The following PCM1 variants were observed in gnomAD, a reference collection of about 807,000 sequenced individuals.
The protein encoded by PCM1 is pericentriolar material 1 protein.
A neutral mutation model predicts 241.9 loss-of-function variants in PCM1; 157 were observed. The observed-to-expected ratio is 0.65, with a 90% confidence interval of 0.57 to 0.74. The LOEUF is 0.74. Ranked by LOEUF, PCM1 falls within the 30% of genes least tolerant of loss-of-function variation. The pLI is 0.00. For synonymous variants in PCM1, 1,085 were observed against 784.9 expected, an observed-to-expected ratio of 1.38 and a Z score of -6.39; for missense variants, 3,478 against 2,360.1, an observed-to-expected ratio of 1.47 and a Z score of -9.81.
chr8:17,961,797 A>T (rs919049590), intron 15 of PCM1, among the ~76,000 whole-genome samples: 2 of 152,006 alleles, frequency 1.3e-5, no homozygotes, highest in East Asian at 3.9e-4. Context: ...ATTTTCCATT[A>T]TGTTTTATCC....
At chr8:17,995,116 CAG>C (rs1470321056) in intron 29 of PCM1, among the ~76,000 whole-genome samples, 5 of 151,350 alleles carry the variant, frequency 3.3e-5, no homozygotes, top group Admixed American at 3.3e-4. Flanking sequence ...CAATGTCCTG[CAG>C]AGTTTCCCCA....
chr8:17,939,075 G>T (rs2061275212), intron 5 of PCM1, 66 bp downstream of exon 5: 1 of 1,534,074 alleles, frequency 6.5e-7, no homozygotes. Flanking sequence ...GTAAGGTTTA[G>T]AAAATTAGGT....
At chr8:17,946,772 G>C (rs2063923145) in intron 6 of PCM1, among the ~76,000 whole-genome samples, 1 of 151,906 alleles carries the variant, frequency 6.6e-6, no homozygotes, top group Non-Finnish European at 1.5e-5. Context: ...AGGATTACAA[G>C]ACTTTCAGGT....
In PCM1 at chr8:17,991,668, C is replaced by G. The variant is rs774868006; in HGVS notation, c.4658C>G (p.Ala1553Gly). 101 of 1,559,132 alleles carry G rather than the reference C, an allele frequency of 6.5e-5. No homozygotes were observed. The highest frequency in any genetic ancestry group is 8.5e-5 in the Non-Finnish European group (98 of 1,150,866). The stretch of plus-strand genomic sequence containing the variant: ...AGGATTATTGAGGATGGAGATGGTG[C>G]TGGTGCAGGTACTACAGTTAATAAT... ...TCRIIEDGDG[A>G]GAGTTVNNLE... Residue 1553 changes from alanine to glycine, a missense_variant, in exon 28 of 39, where the codon GCT (alanine) becomes GGT (glycine). Ala to Gly is a moderately conservative substitution (Grantham distance 60, BLOSUM62 0). Coordinates refer to ENST00000325083, the MANE Select transcript of PCM1 (RefSeq NM_006197.4).
chr8:18,014,002 A>C lies in PCM1; in HGVS notation c.5550A>C (p.Lys1850Asn), dbSNP rs911539576. The C allele has an allele frequency of 3.7e-6, 6 of 1,605,156 alleles. No homozygotes were observed. Among genetic ancestry groups the C allele is most frequent in the Non-Finnish European group, 4.3e-6 (5 of 1,176,106 alleles). The part of the protein sequence containing the change: ...QRDFKKTAES[K>N]NVPLEREATS... Reference sequence around the variant, plus strand: ...ACTTTAAAAAGACAGCAGAAAGCAAAAATGTCCCATTGGAACGAGAAGCCA... The same window carrying C: ...ACTTTAAAAAGACAGCAGAAAGCAACAATGTCCCATTGGAACGAGAAGCCA... The change falls in exon 35 of 39, where the codon AAA (lysine) becomes AAC (asparagine). Residue 1850 changes from lysine to asparagine, a missense_variant. By Grantham distance (94) the Lys-to-Asn change is moderately conservative (BLOSUM62 0). Transcript: ENST00000325083.
chr8:17,976,253 C>G (rs1324586625), intron 23 of PCM1, among the ~76,000 whole-genome samples: 1 of 152,216 alleles, frequency 6.6e-6, no homozygotes, highest in African/African-American at 2.4e-5. Context: ...TGCCATTTCT[C>G]TGTGCCCCTT....
chr8:17,986,796 C>A (rs1206993746), intron 26 of PCM1, among the ~76,000 whole-genome samples: 3 of 151,744 alleles, frequency 2.0e-5, no homozygotes, highest in Non-Finnish European at 3.0e-5. Flanking sequence ...CAAATACATT[C>A]CTTTTTTTAT....
intron 22 of PCM1, 66 bp downstream of exon 22, chr8:17,969,814 T>A: frequency 8.1e-7 from 1 of 1,235,040 alleles, no homozygotes; most frequent in East Asian, 2.4e-5. Context: ...TAATTATGTG[T>A]AATTTGAAAA....
intron 6 of PCM1, among the ~76,000 whole-genome samples, chr8:17,944,766 T>C (rs2299591): frequency 0.26 from 39,122 of 151,968 alleles, 5,929 homozygotes; most frequent in African/African-American, 0.43. Context: ...CTCAGTTTTT[T>C]TGAGCATCAG....
In PCM1 at chr8:17,964,606, T is replaced by G; in HGVS notation, c.2693T>G (p.Leu898Arg). ...TGGGGAGGGTCTACCCAGTGTGCACTAGATGAAGAAGGAGATGAAGACGGT... is the reference window on the plus strand; with the variant it reads ...TGGGGAGGGTCTACCCAGTGTGCACGAGATGAAGAAGGAGATGAAGACGGT... Reference protein sequence around the residue: ...ATWGGSTQCALDEEGDEDGYL... With the variant: ...ATWGGSTQCARDEEGDEDGYL... Residue 898 changes from leucine (L) to arginine (R), a missense_variant, in exon 18 of 39, where the codon CTA becomes CGA. Transcript: ENST00000325083. 1 of 1,613,854 alleles carries G rather than the reference T, an allele frequency of 6.2e-7. No homozygotes were observed. Among genetic ancestry groups the G allele is most frequent in the Non-Finnish European group, 8.5e-7 (1 of 1,179,828 alleles).
chr8:18,025,477 C>T (rs1332880936), intron 37 of PCM1, 24 bp downstream of exon 37: 10 of 1,524,962 alleles, frequency 6.6e-6, no homozygotes, highest in Non-Finnish European at 8.1e-6. Flanking sequence ...TTTAATTAAA[C>T]TTGTCTTTAC....
At chr8:18,018,522 T>C (rs1397464549) in intron 36 of PCM1, among the ~76,000 whole-genome samples, 2 of 152,194 alleles carry the variant, frequency 1.3e-5, no homozygotes, top group African/African-American at 2.4e-5. Context: ...TCTATAATAC[T>C]ATAATCCTAC....
chr8:17,947,152 G>C (rs1374384636), intron 6 of PCM1, 34 bp from the exon 7 acceptor site: 4 of 1,404,848 alleles, frequency 2.8e-6, no homozygotes, highest in Non-Finnish European at 3.9e-6. Flanking sequence ...GATTTTAATA[G>C]TCAGATACAA....
At chr8:18,020,372 T>G (rs1185853507) in intron 36 of PCM1, among the ~76,000 whole-genome samples, 2 of 152,190 alleles carry the variant, frequency 1.3e-5, no homozygotes, top group Non-Finnish European at 2.9e-5. Flanking sequence ...ACACGTGCAG[T>G]TGAAAGCTCA....
chr8:17,953,013 C>T lies in PCM1; in HGVS notation c.1115C>T (p.Ser372Leu), dbSNP rs1187132613. ...PDNRRQAESL[S>L]LTREVSQSRK... ...AATAGAAGACAGGCAGAAAGTCTTT[C>T]ATTAACTAGGGAGGTTTCCCAGAGC... The change falls in exon 9 of 39, where the codon TCA (serine) becomes TTA (leucine). Residue 372 changes from serine (S) to leucine (L), a missense_variant. Transcript: ENST00000325083. 2 of 1,606,676 alleles carry T rather than the reference C, an allele frequency of 1.2e-6. No individual in the cohort carries two copies. Among genetic ancestry groups the T allele is most frequent in the African/African-American group, 2.7e-5 (2 of 74,692 alleles).
chr8:17,958,648 T>C (rs2069965339), intron 13 of PCM1, among the ~76,000 whole-genome samples: 1 of 152,176 alleles, frequency 6.6e-6, no homozygotes, highest in South Asian at 2.1e-4. Flanking sequence ...CAGTTTCTTT[T>C]GAAATGCTAT....
At chr8:17,997,318 T>C (rs1449090011) in intron 29 of PCM1, among the ~76,000 whole-genome samples, 1 of 152,204 alleles carries the variant, frequency 6.6e-6, no homozygotes, top group Non-Finnish European at 1.5e-5. Flanking sequence ...TTTAGGGTCC[T>C]TTCTTTATCC....
At position 18,020,917 on chromosome 8, in the gene PCM1, A is replaced by G. The variant is rs543861198; in HGVS notation, c.5842-4444A>G. Among the ~76,000 whole-genome samples, 16 of 152,312 alleles carry G rather than the reference A, an allele frequency of 1.1e-4. No individual in the cohort carries two copies. The South Asian group carries it at 2.5e-3, about 24-fold the overall frequency. ...TCTGCCAGATGAGCTTCTTTCAGCT[A>G]TTCTGCTGCCCTCACAAGTAGCTCT... On this transcript the variant is annotated intron_variant, in intron 36 of 38. Coordinates refer to ENST00000325083, the MANE Select transcript of PCM1 (RefSeq NM_006197.4).
At chr8:17,967,193 A>G in intron 21 of PCM1, 23 bp downstream of exon 21, 1 of 1,516,094 alleles carries the variant, frequency 6.6e-7, no homozygotes, top group Non-Finnish European at 9.0e-7. Context: ...ACCTAAAGAG[A>G]AAATAAATAA....
Sources: gnomAD v4.1 joint callset for allele counts (sites outside exome capture counted in the v4.1 genomes callset) on GRCh38, gnomAD v4.1.1 for gene constraint, MANE v1.5 for transcripts, NCBI Gene and HGNC (gene_info 2026-07-23, HGNC 2026-07-21) for gene names.